Variants in FHIT observed in about 807,000 individuals in gnomAD.
FHIT encodes the protein fragile histidine triad diadenosine triphosphatase.
Under a neutral mutation model 17.9 loss-of-function variants are expected in FHIT, and 19 were observed. The ratio of observed to expected loss-of-function variants is 1.06; its 90% CI spans 0.74 to 1.56. The LOEUF is 1.56. FHIT is among the 40% of genes most tolerant of loss of function. The pLI, the probability that FHIT is intolerant of heterozygous loss-of-function variation, is 0.00. For synonymous variants in FHIT, 81 were observed against 69.7 expected (o/e 1.16, Z -0.81); for missense variants, 248 against 189.2 (o/e 1.31, Z -1.82).
chr3:60,575,209 C>T (rs1553657144), intron 4 of FHIT, among the ~76,000 whole-genome samples: 3 of 151,944 alleles, frequency 2.0e-5, no homozygotes, highest in South Asian at 2.1e-4. Context: ...TGATAGCAAG[C>T]TAGTAAGAAA....
At chr3:59,836,680 C>T (rs1372688936) in intron 8 of FHIT, among the ~76,000 whole-genome samples, 2 of 152,112 alleles carry the variant, frequency 1.3e-5, no homozygotes, top group African/African-American at 4.8e-5. Context: ...CAGCTGAAGT[C>T]CAAATTTTTG....
At chr3:61,190,118 A>T (rs913079507) in intron 2 of FHIT, among the ~76,000 whole-genome samples, 1 of 152,208 alleles carries the variant, frequency 6.6e-6, no homozygotes, top group Non-Finnish European at 1.5e-5. Flanking sequence ...TCTGCACAGC[A>T]AAAGAAACTA....
At chr3:60,196,077 G>A (rs1323033464) in intron 5 of FHIT, among the ~76,000 whole-genome samples, 1 of 152,128 alleles carries the variant, frequency 6.6e-6, no homozygotes, top group African/African-American at 2.4e-5. Context: ...TAATCAACCA[G>A]TTACTGAGGA....
At chr3:60,945,712 G>A (rs888980099) in intron 3 of FHIT, among the ~76,000 whole-genome samples, 9 of 152,292 alleles carry the variant, frequency 5.9e-5, no homozygotes, top group Middle Eastern at 3.4e-3. Flanking sequence ...GGACTGTGGG[G>A]ATGGATACAG....
At chr3:59,956,181 C>T (rs1448643326) in intron 7 of FHIT, among the ~76,000 whole-genome samples, 3 of 152,154 alleles carry the variant, frequency 2.0e-5, no homozygotes, top group Non-Finnish European at 4.4e-5. Context: ...GCAAACTCTT[C>T]TTCCTTAATC....
intron 5 of FHIT, among the ~76,000 whole-genome samples, chr3:60,488,865 T>C (rs2033950108): frequency 6.6e-6 from 1 of 152,222 alleles, no homozygotes; most frequent in Non-Finnish European, 1.5e-5. Flanking sequence ...GTTAAGTTTT[T>C]ATGTAAAACA....
chr3:60,147,918 T>C (rs1700309900), intron 5 of FHIT, among the ~76,000 whole-genome samples: 1 of 152,120 alleles, frequency 6.6e-6, no homozygotes, highest in Non-Finnish European at 1.5e-5. Flanking sequence ...ATTAGGACAG[T>C]GGAAAATCAA....
intron 3 of FHIT, among the ~76,000 whole-genome samples, chr3:60,987,482 C>T (rs114202612): frequency 0.013 from 1,914 of 152,284 alleles, 22 homozygotes; most frequent in Non-Finnish European, 0.018. Context: ...TCCTTTAATT[C>T]GGCCCATAAG....
intron 5 of FHIT, among the ~76,000 whole-genome samples, chr3:60,225,862 A>G (rs1704173586): frequency 1.3e-5 from 2 of 152,144 alleles, no homozygotes; most frequent in Non-Finnish European, 2.9e-5. Context: ...CACTTCCCTC[A>G]GCAGATCTAC....
chr3:61,215,281 T>A (rs1455727456), intron 1 of FHIT, among the ~76,000 whole-genome samples: 2 of 151,302 alleles, frequency 1.3e-5, no homozygotes, highest in Non-Finnish European at 3.0e-5. Flanking sequence ...CAGCCCAAAA[T>A]CTCCTTAAGC....
chr3:60,025,710 A>G (rs756174884), intron 5 of FHIT, among the ~76,000 whole-genome samples: 4 of 151,680 alleles, frequency 2.6e-5, no homozygotes, highest in Non-Finnish European at 5.9e-5. Flanking sequence ...ATTTACAACA[A>G]TAAAAATGCA....
At chr3:60,277,853 C>G (rs537967926) in intron 5 of FHIT, among the ~76,000 whole-genome samples, 1 of 152,220 alleles carries the variant, frequency 6.6e-6, no homozygotes, top group Non-Finnish European at 1.5e-5. Context: ...GATGACAAAT[C>G]TCGGATATTA....
At chr3:60,882,693 T>C (rs182952406) in intron 3 of FHIT, among the ~76,000 whole-genome samples, 9 of 152,106 alleles carry the variant, frequency 5.9e-5, no homozygotes, top group East Asian at 1.9e-4. Flanking sequence ...CTGAACAAAC[T>C]AAGTATAGAA....
intron 4 of FHIT, among the ~76,000 whole-genome samples, chr3:60,570,964 GT>G (rs2037358260): frequency 6.6e-6 from 1 of 152,022 alleles, no homozygotes; most frequent in African/African-American, 2.4e-5. Flanking sequence ...AAGGGACATT[GT>G]AAGAGCAAAG....
intron 8 of FHIT, among the ~76,000 whole-genome samples, chr3:59,921,682 C>A (rs1183547729): frequency 6.6e-6 from 1 of 151,964 alleles, no homozygotes; most frequent in African/African-American, 2.4e-5. Context: ...TGATCCATGA[C>A]AGGCTGTATG....
At chr3:61,220,217 G>A (rs979077220) in intron 1 of FHIT, among the ~76,000 whole-genome samples, 1 of 152,164 alleles carries the variant, frequency 6.6e-6, no homozygotes, top group African/African-American at 2.4e-5. Context: ...TCAAATGATA[G>A]CCAATTTTCA....
intron 7 of FHIT, among the ~76,000 whole-genome samples, chr3:60,009,066 T>C (rs1280740835): frequency 1.3e-5 from 2 of 152,162 alleles, no homozygotes; most frequent in Non-Finnish European, 2.9e-5. Context: ...ATGCAGGTGA[T>C]ACAAAGATCG....
At chr3:60,238,322 A>C (rs1704922900) in intron 5 of FHIT, among the ~76,000 whole-genome samples, 2 of 151,752 alleles carry the variant, frequency 1.3e-5, no homozygotes, top group South Asian at 2.1e-4. Context: ...TACTGTACTT[A>C]CTCTATCTTA....
At chr3:59,957,185 A>C (rs979220327) in intron 7 of FHIT, among the ~76,000 whole-genome samples, 2 of 152,178 alleles carry the variant, frequency 1.3e-5, no homozygotes, top group Admixed American at 1.3e-4. Context: ...TTTAAAGAGG[A>C]AAGTAAGTTA....
Sources: allele counts gnomAD v4.1 joint callset (sites outside exome capture counted in the v4.1 genomes callset), GRCh38; gene constraint gnomAD v4.1.1; transcripts MANE v1.5; gene names NCBI Gene and HGNC (gene_info 2026-07-23, HGNC 2026-07-21).